Variants in SKAP2 observed in about 807,000 individuals in gnomAD.
The protein encoded by SKAP2 is src kinase associated phosphoprotein 2.
SKAP2 carries 28 observed loss-of-function variants against 54.9 expected under a neutral mutation model. The ratio of observed to expected loss-of-function variants is 0.51; its 90% CI spans 0.38 to 0.70. The LOEUF is 0.70. Among genes scored for constraint, SKAP2 ranks in the 30% least tolerant of loss-of-function variants. SKAP2 has a pLI of 0.00. For synonymous variants in SKAP2, 137 were observed against 134.3 expected (o/e 1.02, Z -0.14); for missense variants, 356 against 424.1 (o/e 0.84, Z 1.41).
chr7:26,830,703 T>C (rs1784578534), intron 4 of SKAP2, among the ~76,000 whole-genome samples: 1 of 152,194 alleles, frequency 6.6e-6, no homozygotes, highest in African/African-American at 2.4e-5. Flanking sequence ...TATTTTTAAA[T>C]CTATAGCATA....
chr7:26,657,219 C>T, the SKAP2 span, among the ~76,000 whole-genome samples: 1 of 152,168 alleles, frequency 6.6e-6, no homozygotes, highest in Admixed American at 6.5e-5. Flanking sequence ...ATATTATTTG[C>T]CTTAAAGCAC....
intron 4 of SKAP2, among the ~76,000 whole-genome samples, chr7:26,757,218 T>G (rs1397300750): frequency 2.0e-5 from 3 of 152,158 alleles, no homozygotes; most frequent in Non-Finnish European, 2.9e-5. Flanking sequence ...TGCCATTGCT[T>G]TTGGTGTTTT....
At chr7:26,741,503 C>T (rs572302875) in intron 4 of SKAP2, among the ~76,000 whole-genome samples, 15 of 151,312 alleles carry the variant, frequency 9.9e-5, no homozygotes, top group Non-Finnish European at 1.6e-4. Flanking sequence ...TGTGCCACTG[C>T]GCTCCAGCCT....
Position 26,725,968 on chromosome 7 carries a change from T to C in SKAP2, c.613A>G (p.Lys205Glu), listed in dbSNP as rs1179722170. ...TGCTGTACCCATTCTTCAGCATCTT[T>C]GGGAGAAGCTGCTGTAAACTAATAT... ...RIYQFTAASP[K>E]DAEEWVQQLK... is the part of the protein sequence containing the mutation. Residue 205 changes from lysine (K) to glutamate (E), a missense_variant, in exon 8 of 13, where the codon AAA (lysine) becomes GAA (glutamate). By Grantham distance (56) the Lys-to-Glu change is moderately conservative (BLOSUM62 1). Coordinates refer to ENST00000345317, the MANE Select transcript of SKAP2 (RefSeq NM_003930.5). 6.2e-7 allele frequency: 1 copy of C among 1,610,112 alleles called. No homozygotes were observed. Among genetic ancestry groups the C allele is most frequent in the Non-Finnish European group, 8.5e-7 (1 of 1,177,654 alleles).
chr7:26,701,914 A>AT (rs921245091), intron 9 of SKAP2, among the ~76,000 whole-genome samples: 32 of 151,920 alleles, frequency 2.1e-4, no homozygotes, highest in African/African-American at 7.7e-4. Flanking sequence ...ATACCACAAT[A>AT]TTTTTGCTTA....
chr7:26,657,985 A>G, the SKAP2 span, among the ~76,000 whole-genome samples: 3 of 152,058 alleles, frequency 2.0e-5, no homozygotes, highest in Admixed American at 6.6e-5. Flanking sequence ...GTCTTCCCAA[A>G]TATTATTTGT....
At chr7:26,770,146 C>T (rs1390673174) in intron 4 of SKAP2, among the ~76,000 whole-genome samples, 1 of 152,182 alleles carries the variant, frequency 6.6e-6, no homozygotes, top group Non-Finnish European at 1.5e-5. Flanking sequence ...TCCAGAGATG[C>T]CCTGCCCAGA....
At chr7:26,670,031 A>T in intron 12 of SKAP2, 60 bp downstream of exon 12, 1 of 717,052 alleles carries the variant, frequency 1.4e-6, no homozygotes, top group East Asian at 2.5e-5. Context: ...AAAGACTCAT[A>T]ACGAAGAGAC....
intron 4 of SKAP2, among the ~76,000 whole-genome samples, chr7:26,819,940 T>C (rs1784356546): frequency 6.6e-6 from 1 of 152,180 alleles, no homozygotes; most frequent in Non-Finnish European, 1.5e-5. Context: ...TATGGATACA[T>C]GTAAGTTTTC....
intron 4 of SKAP2, among the ~76,000 whole-genome samples, chr7:26,810,810 T>A (rs1216883978): frequency 2.0e-5 from 3 of 152,174 alleles, no homozygotes; most frequent in African/African-American, 4.8e-5. Flanking sequence ...GCCTCCCGCG[T>A]AGCTGGGACT....
chr7:26,672,440 A>G (rs891588296), intron 11 of SKAP2, among the ~76,000 whole-genome samples: 2 of 152,000 alleles, frequency 1.3e-5, no homozygotes, highest in Admixed American at 1.3e-4. Flanking sequence ...ACTATAAACA[A>G]ATCCCTTAAA....
At chr7:26,857,701 G>A (rs1266999988) in intron 1 of SKAP2, 1 of 985,330 alleles carries the variant, frequency 1.0e-6, no homozygotes, top group African/African-American at 1.7e-5. Flanking sequence ...CCGGGTCTGG[G>A]GCAGAGCCCT....
the SKAP2 span, among the ~76,000 whole-genome samples, chr7:26,660,234 C>G: frequency 6.6e-6 from 1 of 151,780 alleles, no homozygotes; most frequent in Non-Finnish European, 1.5e-5. Flanking sequence ...CCAAACTGAG[C>G]TAAAATGAAA....
intron 4 of SKAP2, among the ~76,000 whole-genome samples, chr7:26,833,603 C>T (rs374082938): frequency 7.3e-4 from 111 of 152,102 alleles, no homozygotes; most frequent in Admixed American, 2.0e-3. Context: ...ATTAAAACAA[C>T]AAAGATCAAA....
In SKAP2 at chr7:26,844,018, A is replaced by T. The variant is rs776581535; in HGVS notation, c.307+12T>A. 3 of 1,524,812 alleles carry T rather than the reference A, an allele frequency of 2.0e-6. No homozygotes were observed. Among genetic ancestry groups the T allele is most frequent in the Non-Finnish European group, 2.7e-6 (3 of 1,099,576 alleles). The allele number at this position is 1,524,812 out of a possible 1,614,324, so 94.5% of individuals were successfully genotyped here. A position where few individuals can be genotyped will look rare whatever the true frequency, so the allele number is the denominator to read the frequency against. ...TGTGAGTGTCAGAGTTACGTGGGAA[A>T]ATGTCACATACCATCAGAGGGGGCT... On this transcript the variant is annotated intron_variant, in intron 4 of 12. Transcript: ENST00000345317.
intron 4 of SKAP2, among the ~76,000 whole-genome samples, chr7:26,841,256 C>G (rs1042533201): frequency 2.6e-5 from 4 of 151,896 alleles, no homozygotes; most frequent in African/African-American, 9.7e-5. Flanking sequence ...TGCATCTAAC[C>G]CTTTATCAGC....
intron 3 of SKAP2, among the ~76,000 whole-genome samples, chr7:26,845,262 C>A (rs1487386436): frequency 6.6e-6 from 1 of 152,142 alleles, no homozygotes; most frequent in African/African-American, 2.4e-5. Context: ...CTCTGACACC[C>A]ATTTGATGGG....
chr7:26,827,695 T>C (rs1467540517), intron 4 of SKAP2, among the ~76,000 whole-genome samples: 1 of 152,178 alleles, frequency 6.6e-6, no homozygotes, highest in Non-Finnish European at 1.5e-5. Flanking sequence ...CCACTATTTT[T>C]GTAAAAATAA....
intron 4 of SKAP2, among the ~76,000 whole-genome samples, chr7:26,781,187 T>C (rs3801849): frequency 0.085 from 12,887 of 152,118 alleles, 603 homozygotes; most frequent in Middle Eastern, 0.16. Context: ...CAACACAGAA[T>C]CAATATAAAT....
Sources: gnomAD v4.1 joint callset for allele counts (sites outside exome capture counted in the v4.1 genomes callset) on GRCh38, gnomAD v4.1.1 for gene constraint, MANE v1.5 for transcripts, NCBI Gene and HGNC (gene_info 2026-07-23, HGNC 2026-07-21) for gene names.